Variants in SLC25A21 observed in about 807,000 individuals in gnomAD.
The protein encoded by SLC25A21 is mitochondrial 2-oxodicarboxylate carrier.
Under a neutral mutation model 43.8 loss-of-function variants are expected in SLC25A21, and 47 were observed. That is an observed-to-expected ratio of 1.07 (90% CI 0.85 to 1.37). The LOEUF is 1.37. Among genes scored for constraint, SLC25A21 ranks in the 40% most tolerant of loss-of-function variants. The pLI is 0.00. For missense variants in SLC25A21, 352 were observed against 350.2 expected (o/e 1.00, Z -0.04); for synonymous variants, 131 against 121.3 (o/e 1.08, Z -0.52).
At chr14:37,097,837 T>G (rs149800159) in intron 1 of SLC25A21, 1 of 149,056 alleles carries the variant, frequency 6.7e-6, no homozygotes, top group Non-Finnish European at 1.5e-5. Context: ...TGAGCCGAGA[T>G]CGCACCATCG....
chr14:37,140,434 T>C (rs1657299701), intron 1 of SLC25A21, among the ~76,000 whole-genome samples: 1 of 152,282 alleles, frequency 6.6e-6, no homozygotes, highest in Admixed American at 6.5e-5. Context: ...AACCAAAAAC[T>C]TTTGCCTGGC....
At chr14:37,032,454 T>C (rs1020317771) in intron 1 of SLC25A21, among the ~76,000 whole-genome samples, 4 of 152,060 alleles carry the variant, frequency 2.6e-5, no homozygotes, top group African/African-American at 9.7e-5. Context: ...GAGAATGGCG[T>C]GAACCCAGGA....
At chr14:36,970,462 A>G (rs1034891020) in intron 1 of SLC25A21, among the ~76,000 whole-genome samples, 1 of 152,234 alleles carries the variant, frequency 6.6e-6, no homozygotes, top group Non-Finnish European at 1.5e-5. Flanking sequence ...TATCCAATTA[A>G]TTTTATATTT....
intron 2 of SLC25A21, among the ~76,000 whole-genome samples, chr14:36,844,005 G>C (rs1031912814): frequency 1.3e-5 from 2 of 152,112 alleles, no homozygotes; most frequent in Non-Finnish European, 2.9e-5. Flanking sequence ...CCCCCAAAAT[G>C]CTTCCTTACC....
intron 7 of SLC25A21, among the ~76,000 whole-genome samples, chr14:36,691,001 T>C (rs1346208695): frequency 1.3e-5 from 2 of 152,192 alleles, no homozygotes; most frequent in East Asian, 1.9e-4. Flanking sequence ...AGTCAGGTAC[T>C]GGGTTAAGCC....
At chr14:36,881,824 G>A (rs1218214890) in intron 1 of SLC25A21, among the ~76,000 whole-genome samples, 1 of 152,174 alleles carries the variant, frequency 6.6e-6, no homozygotes. Context: ...TTCAGCAATA[G>A]GAGGAAGGGA....
Position 36,942,640 on chromosome 14 carries a change from C to G in SLC25A21, c.71-67636G>C, listed in dbSNP as rs147727877. Among the ~76,000 whole-genome samples, 13 of 152,194 alleles carry G rather than the reference C, an allele frequency of 8.5e-5. No homozygotes were observed. The East Asian group carries it at 2.5e-3, about 29-fold the overall frequency. On this transcript the variant is annotated intron_variant, in intron 1 of 9. Coordinates refer to ENST00000331299, the MANE Select transcript of SLC25A21 (RefSeq NM_030631.4). ...GTAGAAGTGGTGGAGAGGAAAAAGA[C>G]CAGCTGTGGTGAAAAATATAACGTG...
intron 1 of SLC25A21, among the ~76,000 whole-genome samples, chr14:36,997,444 CTGTT>C (rs1252879195): frequency 1.3e-5 from 2 of 152,098 alleles, no homozygotes; most frequent in Non-Finnish European, 2.9e-5. Flanking sequence ...AATAAAATAA[CTGTT>C]AGTTAAGAAT....
intron 2 of SLC25A21, among the ~76,000 whole-genome samples, chr14:36,840,800 G>A (rs778396913): frequency 1.3e-5 from 2 of 152,130 alleles, no homozygotes; most frequent in South Asian, 2.1e-4. Flanking sequence ...TCTGATATCC[G>A]ACGAGTCAGA....
intron 2 of SLC25A21, among the ~76,000 whole-genome samples, chr14:36,859,198 A>C (rs530096493): frequency 6.6e-6 from 1 of 152,354 alleles, no homozygotes; most frequent in South Asian, 2.1e-4. Context: ...AATGCTTAGG[A>C]TACCTAAACA....
At position 36,684,606 on chromosome 14, in the gene SLC25A21, GTCATATA is replaced by G. The variant is rs1882444400; in HGVS notation, c.785+131_785+137del. 5.6e-6 allele frequency: 4 copies of G among 720,016 alleles called. No homozygotes were observed. In the East Asian group the frequency reaches 8.0e-5, roughly 14 times the overall value. The allele number at this position is 720,016 out of a possible 1,614,324, so 44.6% of individuals were successfully genotyped here. A position where few individuals can be genotyped will look rare whatever the true frequency, so the allele number is the denominator to read the frequency against. On this transcript the variant is annotated intron_variant, in intron 8 of 9. Coordinates refer to ENST00000331299, the MANE Select transcript of SLC25A21 (RefSeq NM_030631.4). ...ACTATTGTGTTGTCTTGGAAAGTTTGTCATATATATTCGCAGTTTCTTAGACACAAGC... is the reference window on the plus strand; with the variant it reads ...ACTATTGTGTTGTCTTGGAAAGTTTGTATTCGCAGTTTCTTAGACACAAGC...
chr14:37,021,283 C>T (rs1282527761), intron 1 of SLC25A21, among the ~76,000 whole-genome samples: 2 of 151,894 alleles, frequency 1.3e-5, no homozygotes, highest in African/African-American at 4.8e-5. Context: ...GTGGGCAGAA[C>T]TTATCAAGAG....
At position 36,684,930 on chromosome 14, in the gene SLC25A21, A is replaced by G; in HGVS notation, c.604-5T>C. The G allele has an allele frequency of 6.2e-7, 1 of 1,606,224 alleles. No individual in the cohort carries two copies. The highest frequency in any genetic ancestry group is 1.1e-5 in the South Asian group (1 of 90,392). ...CCAAAACTCCAAGATTGGATCCTAA[A>G]AGAAAAGAAGAATAATATAACAGAA... On this transcript the variant is annotated splice_region_variant and splice_polypyrimidine_tract_variant and intron_variant, in intron 7 of 9. Coordinates refer to ENST00000331299, the MANE Select transcript of SLC25A21 (RefSeq NM_030631.4).
chr14:37,158,405 AG>A (rs1302373463), intron 1 of SLC25A21, among the ~76,000 whole-genome samples: 1 of 152,176 alleles, frequency 6.6e-6, no homozygotes. Flanking sequence ...GATTTATTCC[AG>A]GGATGCAAGA....
At chr14:37,044,973 T>C (rs1031028634) in intron 1 of SLC25A21, among the ~76,000 whole-genome samples, 1 of 152,222 alleles carries the variant, frequency 6.6e-6, no homozygotes, top group Non-Finnish European at 1.5e-5. Context: ...GTGATCAATA[T>C]ACATATAAAT....
At chr14:36,785,650 T>G (rs1887223444) in intron 3 of SLC25A21, among the ~76,000 whole-genome samples, 2 of 152,228 alleles carry the variant, frequency 1.3e-5, no homozygotes, top group Non-Finnish European at 1.5e-5. Context: ...CTGCATAATG[T>G]AAGCTCAATT....
chr14:36,903,569 T>G (rs1412572794), intron 1 of SLC25A21, among the ~76,000 whole-genome samples: 3 of 121,010 alleles, frequency 2.5e-5, no homozygotes, highest in Non-Finnish European at 4.8e-5. Flanking sequence ...GCCAAGATTG[T>G]GCCACTGCAT....
chr14:37,070,149 T>A (rs1962141880), intron 1 of SLC25A21, among the ~76,000 whole-genome samples: 1 of 152,210 alleles, frequency 6.6e-6, no homozygotes, highest in South Asian at 2.1e-4. Flanking sequence ...GCAACTGTAT[T>A]ACCATCCTAA....
Position 36,729,533 on chromosome 14 carries a change from C to T in SLC25A21, c.304G>A (p.Gly102Arg), listed in dbSNP as rs756689200. The change falls in exon 5 of 10, where the codon GGA (glycine) becomes AGA (arginine). Residue 102 changes from glycine to arginine, a missense_variant. Transcript: ENST00000331299. ...FTFEQYKKLL[G>R]YVSLSPALTF... ...AATGCTGGTGACAGTGACACATATC[C>T]CAGCAATTTCTTGTACTGCTCAAAG... 1.9e-6 allele frequency: 3 copies of T among 1,608,596 alleles called. No homozygotes were observed. The highest frequency in any genetic ancestry group is 2.5e-6 in the Non-Finnish European group (3 of 1,178,026).
Sources: allele counts gnomAD v4.1 joint callset (sites outside exome capture counted in the v4.1 genomes callset), GRCh38; gene constraint gnomAD v4.1.1; transcripts MANE v1.5; gene names NCBI Gene and HGNC (gene_info 2026-07-23, HGNC 2026-07-21).